PNPLA3: variants seen among roughly 807,000 people sequenced by gnomAD.
The protein encoded by PNPLA3 is patatin like domain 3, 1-acylglycerol-3-phosphate O-acyltransferase.
In PNPLA3, 42 loss-of-function variants were observed where a neutral mutation model predicts 43.1. That is an observed-to-expected ratio of 0.97 (90% CI 0.76 to 1.26). PNPLA3 has a LOEUF of 1.26. Ranked by LOEUF, PNPLA3 falls within the 50% of genes most tolerant of loss-of-function variation. The pLI is 0.00. For synonymous variants in PNPLA3, 272 were observed against 253.6 expected, an observed-to-expected ratio of 1.07 and a Z score of -0.69; for missense variants, 647 against 621.4, an observed-to-expected ratio of 1.04 and a Z score of -0.44.
intron 8 of PNPLA3, among the ~76,000 whole-genome samples, chr22:43,945,233 G>A (rs897204018): frequency 2.0e-5 from 3 of 152,214 alleles, no homozygotes; most frequent in African/African-American, 4.8e-5. Context: ...TCCTCGGAGC[G>A]TGTGGCTAGG....
chr22:43,930,485 T>C (rs2049954975), intron 3 of PNPLA3, among the ~76,000 whole-genome samples: 1 of 152,056 alleles, frequency 6.6e-6, no homozygotes, highest in Admixed American at 6.6e-5. Context: ...GCTGGTGGCT[T>C]TATGTGGTTA....
chr22:43,929,314 A>G (rs916631734), intron 3 of PNPLA3, among the ~76,000 whole-genome samples: 1 of 151,754 alleles, frequency 6.6e-6, no homozygotes. Context: ...TGTCTCTCCT[A>G]AAAATACAAA....
At chr22:43,932,750 T>G in intron 3 of PNPLA3, 128 bp from the exon 4 acceptor site, 2 of 774,836 alleles carry the variant, frequency 2.6e-6, no homozygotes, top group Non-Finnish European at 4.4e-6. Flanking sequence ...CCAAAGCCAA[T>G]GTCCTCCCTC....
rs2050037743 is a variant in PNPLA3, at chr22:43,942,616, G to A, written c.1113-2075G>A. ...TGGACAAGTACTGGAGACCCCTTCA[G>A]TCAAAGCCTTCTGTCATTCTCCAGC... On this transcript the variant is annotated intron_variant, in intron 7 of 8. Transcript: ENST00000216180. 2.0e-5 allele frequency among the ~76,000 whole-genome samples: 3 copies of A among 151,564 alleles called. No homozygotes were observed. In the South Asian group the frequency reaches 6.3e-4, roughly 32 times the overall value.
chr22:43,924,039 T>C lies in PNPLA3; in HGVS notation c.128T>C (p.Leu43Ser), dbSNP rs1399354460. ...APHLLRDARM[L>S]FGASAGALHC... ...CACCTCCTCCGCGACGCGCGCATGT[T>C]GTTCGGCGCTTCGGCCGGGGCGTTG... The change falls in exon 1 of 9, where the codon TTG (leucine) becomes TCG (serine). Residue 43 changes from leucine to serine, a missense_variant. Coordinates refer to ENST00000216180, the MANE Select transcript of PNPLA3 (RefSeq NM_025225.3). 1 of 1,580,494 alleles carries C rather than the reference T, an allele frequency of 6.3e-7. No individual in the cohort carries two copies. Among genetic ancestry groups the C allele is most frequent in the Non-Finnish European group, 8.5e-7 (1 of 1,172,328 alleles).
At chr22:43,943,753 T>A (rs2050045601) in intron 7 of PNPLA3, among the ~76,000 whole-genome samples, 1 of 152,168 alleles carries the variant, frequency 6.6e-6, no homozygotes, top group African/African-American at 2.4e-5. Flanking sequence ...GGTGTTTACT[T>A]TGTTTTTAGT....
Position 43,923,840 on chromosome 22 carries a change from G to A in PNPLA3, c.-72G>A, listed in dbSNP as rs2049901810. 4 of 1,372,726 alleles carry A rather than the reference G, an allele frequency of 2.9e-6. No individual in the cohort carries two copies. The highest frequency in any genetic ancestry group is 3.8e-6 in the Non-Finnish European group (4 of 1,059,868). The allele number at this position is 1,372,726 out of a possible 1,614,324, so 85.0% of individuals were successfully genotyped here. ...TGCGGGCGCCGGGCGGAGCTGCTGC[G>A]GATCAGGACCCGAGCCGATTCCCGA... On this transcript the variant is annotated 5_prime_UTR_variant, in exon 1 of 9. Transcript: ENST00000216180.
chr22:43,932,727 C>T (rs2049969317), intron 3 of PNPLA3, 151 bp from the exon 4 acceptor site: 19 of 691,628 alleles, frequency 2.7e-5, no homozygotes, highest in South Asian at 2.3e-4. Flanking sequence ...AAGGATTTGT[C>T]GCAGGAGTGA....
chr22:43,946,093 T>C, intron 8 of PNPLA3, 61 bp from the exon 9 acceptor site: 2 of 1,520,510 alleles, frequency 1.3e-6, no homozygotes, highest in African/African-American at 1.4e-5. Context: ...CCACCGTAGC[T>C]CAGACTGCAC....
At chr22:43,936,720 C>T (rs1435000459) in intron 5 of PNPLA3, among the ~76,000 whole-genome samples, 1 of 152,204 alleles carries the variant, frequency 6.6e-6, no homozygotes, top group Non-Finnish European at 1.5e-5. Flanking sequence ...TGGTGAAGCA[C>T]CTAGCTCAGG....
intron 2 of PNPLA3, among the ~76,000 whole-genome samples, chr22:43,928,273 G>A (rs1030529318): frequency 3.3e-5 from 5 of 152,196 alleles, no homozygotes; most frequent in South Asian, 2.1e-4. Context: ...ACATGGGTCC[G>A]TTCTCCCAGT....
At position 43,946,204 on chromosome 22, in the gene PNPLA3, A is replaced by G; in HGVS notation, c.1268A>G (p.Gln423Arg). The G allele has an allele frequency of 6.2e-7, 1 of 1,614,180 alleles. No individual in the cohort carries two copies. The highest frequency in any genetic ancestry group is 8.5e-7 in the Non-Finnish European group (1 of 1,180,022). The part of the protein sequence containing the change: ...SQQASPCTPE[Q>R]DWPCWTPCSP... ...CAGGCCTCCCCATGCACACCTGAGC[A>G]GGACTGGCCCTGCTGGACTCCCTGC... Residue 423 changes from glutamine to arginine, a missense_variant, in exon 9 of 9, where the codon CAG becomes CGG. By Grantham distance (43) the Gln-to-Arg change is conservative. Coordinates refer to ENST00000216180, the MANE Select transcript of PNPLA3 (RefSeq NM_025225.3).
chr22:43,928,028 G>A (rs184886189), intron 2 of PNPLA3, among the ~76,000 whole-genome samples: 1 of 152,198 alleles, frequency 6.6e-6, no homozygotes, highest in South Asian at 2.1e-4. Context: ...GGGTGGGAAC[G>A]TGCCTTATTT....
rs758707412 is a variant in PNPLA3 at position 43,928,897 on chromosome 22, G to C, written c.486+8G>C. 5 of 1,606,406 alleles carry C rather than the reference G, an allele frequency of 3.1e-6. No individual in the cohort carries two copies. Among genetic ancestry groups the C allele is most frequent in the Non-Finnish European group, 4.3e-6 (5 of 1,173,240 alleles). Reference sequence around the variant, plus strand: ...CCTTCCTTCAGAGGCGTGGTAAGTCGGCTTTCTCTGCTAGCGCTGAGTCCT... The same window carrying C: ...CCTTCCTTCAGAGGCGTGGTAAGTCCGCTTTCTCTGCTAGCGCTGAGTCCT... On this transcript the variant is annotated splice_region_variant and intron_variant, in intron 3 of 8. Transcript: ENST00000216180.
chr22:43,929,462 C>T (rs186859096), intron 3 of PNPLA3, among the ~76,000 whole-genome samples: 6 of 137,162 alleles, frequency 4.4e-5, no homozygotes, highest in Non-Finnish European at 7.7e-5. Context: ...GGTGACAGAG[C>T]GAGACTCTAT....
At chr22:43,934,054 C>A (rs553280098) in intron 4 of PNPLA3, among the ~76,000 whole-genome samples, 1 of 152,072 alleles carries the variant, frequency 6.6e-6, no homozygotes, top group African/African-American at 2.4e-5. Context: ...CGGTGGCTCA[C>A]GCCTGTAATC....
Position 43,923,828 on chromosome 22 carries a change from C to T in PNPLA3, c.-84C>T, listed in dbSNP as rs2049901685. 3.8e-6 allele frequency: 5 copies of T among 1,328,750 alleles called. No homozygotes were observed. In the East Asian group the frequency reaches 9.1e-5, roughly 24 times the overall value. 82.3% of individuals were successfully genotyped at this position (1,328,750 alleles called of 1,614,324 possible). ...GTAGAGAGCGCTTGCGGGCGCCGGG[C>T]GGAGCTGCTGCGGATCAGGACCCGA... On this transcript the variant is annotated 5_prime_UTR_variant, in exon 1 of 9. Coordinates refer to ENST00000216180, the MANE Select transcript of PNPLA3 (RefSeq NM_025225.3).
At position 43,946,420 on chromosome 22, in the gene PNPLA3, G is replaced by A. The variant is rs1317629649; in HGVS notation, c.*38G>A. ...GGCGAGTCTAGCAGATTCTTTCAGA[G>A]GTGCTAAAGTTTCCCATCTTTGTGC... is the stretch of plus-strand genomic sequence containing the variant. On this transcript the variant is annotated 3_prime_UTR_variant, in exon 9 of 9. Transcript: ENST00000216180. 1.9e-6 allele frequency: 3 copies of A among 1,584,434 alleles called. No individual in the cohort carries two copies. The highest frequency in any genetic ancestry group is 1.7e-6 in the Non-Finnish European group (2 of 1,153,276).
At chr22:43,930,021 C>A (rs1346546811) in intron 3 of PNPLA3, among the ~76,000 whole-genome samples, 1 of 152,152 alleles carries the variant, frequency 6.6e-6, no homozygotes, top group Admixed American at 6.5e-5. Flanking sequence ...AAATACTAGC[C>A]TTTTAGGGTA....
Sources: allele counts gnomAD v4.1 joint callset (sites outside exome capture counted in the v4.1 genomes callset), GRCh38; gene constraint gnomAD v4.1.1; transcripts MANE v1.5; gene names NCBI Gene and HGNC (gene_info 2026-07-23, HGNC 2026-07-21).